Variants in DEPTOR observed in about 807,000 individuals in gnomAD.
DEPTOR encodes DEP domain containing MTOR interacting protein.
In DEPTOR, 41 loss-of-function variants were observed where a neutral mutation model predicts 41.6. That is an observed-to-expected ratio of 0.98 (90% CI 0.77 to 1.28). DEPTOR has a LOEUF of 1.28. Among genes scored for constraint, DEPTOR ranks in the 50% most tolerant of loss-of-function variants. The pLI is 0.00. For missense variants in DEPTOR, 514 were observed against 527.9 expected, an observed-to-expected ratio of 0.97 and a Z score of 0.26; for synonymous variants, 195 against 192.3, an observed-to-expected ratio of 1.01 and a Z score of -0.12.
At chr8:119,918,993 A>C (rs1337022277) in intron 1 of DEPTOR, among the ~76,000 whole-genome samples, 1 of 142,390 alleles carries the variant, frequency 7.0e-6, no homozygotes, top group Non-Finnish European at 1.6e-5. Context: ...GTTGTCCAAG[A>C]CCAATTGCTT....
chr8:119,938,877 TC>T (rs1383420597), intron 3 of DEPTOR, among the ~76,000 whole-genome samples: 1 of 136,482 alleles, frequency 7.3e-6, no homozygotes, highest in Non-Finnish European at 1.6e-5. Flanking sequence ...CTCTCTGCCT[TC>T]CCCTCTCTCT....
At chr8:120,003,259 G>A in intron 6 of DEPTOR, 148 bp downstream of exon 6, 1 of 1,385,570 alleles carries the variant, frequency 7.2e-7, no homozygotes, top group Non-Finnish European at 9.7e-7. Context: ...TGAATGGAAG[G>A]GAAGGAAGAA....
chr8:120,036,476 A>G (rs1812980899), intron 8 of DEPTOR, among the ~76,000 whole-genome samples: 1 of 151,964 alleles, frequency 6.6e-6, no homozygotes, highest in Non-Finnish European at 1.5e-5. Flanking sequence ...CCACACAGTC[A>G]CTCCACAGCC....
At chr8:119,880,070 TG>T (rs1397271741) in intron 1 of DEPTOR, among the ~76,000 whole-genome samples, 1 of 147,342 alleles carries the variant, frequency 6.8e-6, no homozygotes, top group Non-Finnish European at 1.5e-5. Flanking sequence ...TGAACCCAGA[TG>T]GCAGAGGTTG....
chr8:119,923,435 G>A (rs892593407), intron 1 of DEPTOR, among the ~76,000 whole-genome samples: 5 of 151,906 alleles, frequency 3.3e-5, no homozygotes, highest in Admixed American at 6.6e-5. Context: ...TAGAGATGGG[G>A]TTTTGCCATG....
In DEPTOR at chr8:119,956,016, A is replaced by G. The variant is rs16893359; in HGVS notation, c.426-9216A>G. 6.0e-3 allele frequency among the ~76,000 whole-genome samples: 912 copies of G among 152,224 alleles called. 7 individuals carry two copies. The highest frequency in any genetic ancestry group is 0.021 in the African/African-American group (864 of 41,536). On this transcript the variant is annotated intron_variant, in intron 3 of 8. Transcript: ENST00000286234. ...CTATTTTGAGGGGTACCGCAGAGCCAACGATCCACTTCTGGCCATCATCTG... is the reference window on the plus strand; with the variant it reads ...CTATTTTGAGGGGTACCGCAGAGCCGACGATCCACTTCTGGCCATCATCTG...
At chr8:119,918,880 C>T (rs1385413018) in intron 1 of DEPTOR, among the ~76,000 whole-genome samples, 1 of 152,016 alleles carries the variant, frequency 6.6e-6, no homozygotes. Context: ...AGGCCTGAGC[C>T]ACCGCGCCTG....
intron 1 of DEPTOR, among the ~76,000 whole-genome samples, chr8:119,924,408 T>G (rs1399011393): frequency 6.6e-6 from 1 of 151,954 alleles, no homozygotes; most frequent in Non-Finnish European, 1.5e-5. Context: ...TTATTTATGG[T>G]TTTTTTTCCT....
At chr8:120,034,234 T>C (rs1200771625) in intron 8 of DEPTOR, among the ~76,000 whole-genome samples, 1 of 148,232 alleles carries the variant, frequency 6.7e-6, no homozygotes, top group African/African-American at 2.5e-5. Flanking sequence ...AACAAGATAG[T>C]GGTATAACTG....
At chr8:119,890,868 C>G (rs966991597) in intron 1 of DEPTOR, among the ~76,000 whole-genome samples, 1 of 152,018 alleles carries the variant, frequency 6.6e-6, no homozygotes, top group African/African-American at 2.4e-5. Flanking sequence ...GGAAGTAGCC[C>G]TGTAAAATAT....
chr8:119,997,227 G>A (rs977427709), intron 4 of DEPTOR, among the ~76,000 whole-genome samples: 4 of 152,076 alleles, frequency 2.6e-5, no homozygotes, highest in Non-Finnish European at 5.9e-5. Context: ...TTACATGCAT[G>A]AGCATTCACT....
At chr8:119,927,393 C>T (rs1827976575) in intron 1 of DEPTOR, among the ~76,000 whole-genome samples, 1 of 151,908 alleles carries the variant, frequency 6.6e-6, no homozygotes, top group African/African-American at 2.4e-5. Flanking sequence ...GCTTCATGAA[C>T]TGTTGAATTC....
chr8:119,893,434 G>T (rs1230347337), intron 1 of DEPTOR, among the ~76,000 whole-genome samples: 1 of 152,152 alleles, frequency 6.6e-6, no homozygotes, highest in African/African-American at 2.4e-5. Context: ...GGACATTTTT[G>T]GTTCCTTCAT....
intron 3 of DEPTOR, among the ~76,000 whole-genome samples, chr8:119,943,926 C>A (rs888275978): frequency 1.3e-5 from 2 of 152,174 alleles, no homozygotes; most frequent in Non-Finnish European, 2.9e-5. Flanking sequence ...CAAGCTCCGC[C>A]TCCCGGGTTC....
At chr8:120,014,896 G>C (rs1812586204) in intron 8 of DEPTOR, among the ~76,000 whole-genome samples, 1 of 106,714 alleles carries the variant, frequency 9.4e-6, no homozygotes, top group Non-Finnish European at 1.9e-5. Context: ...TCACAACCTT[G>C]AATGATATAA....
intron 3 of DEPTOR, among the ~76,000 whole-genome samples, chr8:119,947,482 C>T (rs749876271): frequency 3.3e-5 from 5 of 152,250 alleles, no homozygotes; most frequent in South Asian, 2.1e-4. Context: ...TTTTTCCCAT[C>T]GACCCTAGAC....
At chr8:119,957,750 G>T (rs1051455806) in intron 3 of DEPTOR, among the ~76,000 whole-genome samples, 2 of 151,938 alleles carry the variant, frequency 1.3e-5, no homozygotes, top group African/African-American at 4.8e-5. Context: ...CACCATGCCC[G>T]GCTAATTTTT....
At position 120,050,061 on chromosome 8, in the gene DEPTOR, G is replaced by C; in HGVS notation, c.*357G>C. 1 of 164,694 alleles carries C rather than the reference G, an allele frequency of 6.1e-6. No individual in the cohort carries two copies. The highest frequency in any genetic ancestry group is 1.3e-5 in the Non-Finnish European group (1 of 75,934). The allele number at this position is 164,694 out of a possible 1,614,324, so 10.2% of individuals were successfully genotyped here. A position where few individuals can be genotyped will look rare whatever the true frequency, so the allele number is the denominator to read the frequency against. Reference sequence around the variant, plus strand: ...CGACATGCTAAAGTCCCCTTCTTCAGAGTCAATAGAGTAGTTGTTAAAGGT... The same window carrying C: ...CGACATGCTAAAGTCCCCTTCTTCACAGTCAATAGAGTAGTTGTTAAAGGT... On this transcript the variant is annotated 3_prime_UTR_variant, in exon 9 of 9. Transcript: ENST00000286234.
At chr8:119,951,456 A>G (rs1312932647) in intron 3 of DEPTOR, among the ~76,000 whole-genome samples, 1 of 152,272 alleles carries the variant, frequency 6.6e-6, no homozygotes, top group South Asian at 2.1e-4. Flanking sequence ...CTTGGCTTCT[A>G]TCTAAAGCTG....
Sources: allele counts gnomAD v4.1 joint callset (sites outside exome capture counted in the v4.1 genomes callset), GRCh38; gene constraint gnomAD v4.1.1; transcripts MANE v1.5; gene names NCBI Gene and HGNC (gene_info 2026-07-23, HGNC 2026-07-21).